The following GAREM1 variants were observed in gnomAD, a reference collection of about 807,000 sequenced individuals.
GAREM1 encodes GRB2 associated regulator of MAPK1 subtype 1, also known as GRB2-associated and regulator of MAPK protein 1.
A neutral mutation model predicts 71.3 loss-of-function variants in GAREM1; 26 were observed. That is an observed-to-expected ratio of 0.36 (90% CI 0.27 to 0.51). The LOEUF (loss-of-function observed/expected upper bound fraction) is 0.51. Among genes scored for constraint, GAREM1 ranks in the 20% least tolerant of loss-of-function variants. The probability of loss-of-function intolerance (pLI) is 0.95; values close to 1 mark genes in which losing one functional copy is unlikely to be tolerated. For synonymous variants in GAREM1, 440 were observed against 433.2 expected (o/e 1.02, Z -0.20); for missense variants, 1,026 against 1,103.1 (o/e 0.93, Z 0.99).
chr18:32,350,830 C>A (rs529785191), intron 2 of GAREM1, among the ~76,000 whole-genome samples: 147 of 152,162 alleles, frequency 9.7e-4, no homozygotes, highest in African/African-American at 3.4e-3. Context: ...CATTTCTGGT[C>A]CACCATTAAG....
At chr18:32,449,653 A>AGACT (rs1271522327) in intron 1 of GAREM1, among the ~76,000 whole-genome samples, 2 of 152,202 alleles carry the variant, frequency 1.3e-5, no homozygotes, top group Non-Finnish European at 2.9e-5. Context: ...CAACAGAGTG[A>AGACT]GACTGTCTCA....
At chr18:32,345,204 A>G (rs1380864947) in intron 2 of GAREM1, among the ~76,000 whole-genome samples, 3 of 152,368 alleles carry the variant, frequency 2.0e-5, no homozygotes, top group Middle Eastern at 3.4e-3. Context: ...TCTCCAAAGG[A>G]TAGACTAATC....
At chr18:32,270,794 G>A (rs1315879369) in intron 4 of GAREM1, among the ~76,000 whole-genome samples, 1 of 150,968 alleles carries the variant, frequency 6.6e-6, no homozygotes, top group African/African-American at 2.4e-5. Flanking sequence ...CTATTAGGTT[G>A]TGTTTTTTTC....
chr18:32,306,855 G>A (rs1357589414), intron 3 of GAREM1, among the ~76,000 whole-genome samples: 2 of 152,212 alleles, frequency 1.3e-5, no homozygotes, highest in Middle Eastern at 3.4e-3. Flanking sequence ...TATAGTAAGT[G>A]CTCAAAATAT....
chr18:32,386,943 A>T (rs965032895), intron 2 of GAREM1, among the ~76,000 whole-genome samples: 3 of 152,134 alleles, frequency 2.0e-5, no homozygotes, highest in African/African-American at 7.2e-5. Flanking sequence ...TATAGAGTGG[A>T]GACTTGGAGC....
intron 2 of GAREM1, among the ~76,000 whole-genome samples, chr18:32,316,738 G>A (rs933429804): frequency 7.2e-5 from 11 of 152,134 alleles, no homozygotes; most frequent in African/African-American, 1.7e-4. Flanking sequence ...GTGAGCCACC[G>A]TATGCAGCCC....
At chr18:32,389,062 G>C (rs1170093534) in intron 2 of GAREM1, among the ~76,000 whole-genome samples, 1 of 152,098 alleles carries the variant, frequency 6.6e-6, no homozygotes, top group Non-Finnish European at 1.5e-5. Context: ...GCATTTGGTG[G>C]GGAGGGAGGA....
chr18:32,419,681 T>C (rs1343748465), intron 1 of GAREM1, among the ~76,000 whole-genome samples: 5 of 152,128 alleles, frequency 3.3e-5, no homozygotes, highest in Non-Finnish European at 1.5e-5. Flanking sequence ...AAAAATTACA[T>C]CTGTAAAATT....
At chr18:32,376,442 C>A (rs545355300) in intron 2 of GAREM1, among the ~76,000 whole-genome samples, 1 of 152,328 alleles carries the variant, frequency 6.6e-6, no homozygotes, top group African/African-American at 2.4e-5. Flanking sequence ...AGTTGATTTA[C>A]TTGGATTTTC....
chr18:32,352,958 A>G (rs1037295381), intron 2 of GAREM1, among the ~76,000 whole-genome samples: 31 of 152,192 alleles, frequency 2.0e-4, no homozygotes, highest in African/African-American at 7.5e-4. Flanking sequence ...TAAAATATAA[A>G]CAACAAAGGA....
rs183726698 is a variant in GAREM1, at chr18:32,364,073, C to T, written c.262+28822G>A. Among the ~76,000 whole-genome samples the T allele has an allele frequency of 4.1e-3, 450 of 110,606 alleles. 1 individual carries two copies. In the Middle Eastern group the frequency reaches 0.069, roughly 17 times the overall value. The allele number at this position is 110,606 out of a possible 152,430, so 72.6% of individuals were successfully genotyped here. On this transcript the variant is annotated intron_variant, in intron 2 of 5. Transcript: ENST00000269209. ...TTTGTGAGACACAGCCTCACTCTGT[C>T]GCCCAGGCTGGAGTGCAGTGGTGCG...
chr18:32,284,622 T>C (rs1226298513), intron 4 of GAREM1, among the ~76,000 whole-genome samples: 1 of 152,084 alleles, frequency 6.6e-6, no homozygotes, highest in Non-Finnish European at 1.5e-5. Context: ...CTAAGTTCAA[T>C]AGGAAAAGCT....
chr18:32,437,955 T>C (rs1395896228), intron 1 of GAREM1, among the ~76,000 whole-genome samples: 2 of 151,066 alleles, frequency 1.3e-5, no homozygotes, highest in Non-Finnish European at 2.9e-5. Flanking sequence ...ACAGTTGAAC[T>C]GATCTCTTTA....
intron 1 of GAREM1, among the ~76,000 whole-genome samples, chr18:32,396,018 T>G (rs1253058712): frequency 6.6e-6 from 1 of 152,214 alleles, no homozygotes; most frequent in Non-Finnish European, 1.5e-5. Flanking sequence ...TATTCGCTGT[T>G]CTGCAGCCTC....
chr18:32,368,143 C>T (rs1381809336), intron 2 of GAREM1, among the ~76,000 whole-genome samples: 4 of 151,872 alleles, frequency 2.6e-5, no homozygotes, highest in Admixed American at 6.6e-5. Flanking sequence ...AGCTTTCGTT[C>T]CCTCCTCCCC....
At chr18:32,413,667 AAAG>A (rs751820353) in intron 1 of GAREM1, among the ~76,000 whole-genome samples, 3 of 152,158 alleles carry the variant, frequency 2.0e-5, no homozygotes, top group Non-Finnish European at 2.9e-5. Context: ...AATAGGCCTA[AAAG>A]AAGTAAAAAA....
In GAREM1 at chr18:32,280,857, GAT is replaced by G. The variant is rs80268603; in HGVS notation, c.1566+6172_1566+6173del. On this transcript the variant is annotated intron_variant, in intron 4 of 5. Transcript: ENST00000269209. Reference sequence around the variant, plus strand: ...GCTCTGCCCATCTGCTGTGGGGATGGATATGTCCACTCCCACCCACCTTCTGA... The same window carrying G: ...GCTCTGCCCATCTGCTGTGGGGATGGATGTCCACTCCCACCCACCTTCTGA... Among the ~76,000 whole-genome samples, 293 of 152,192 alleles carry G rather than the reference GAT, an allele frequency of 1.9e-3. 10 individuals carry two copies. In the East Asian group the frequency reaches 0.046, roughly 24 times the overall value.
intron 2 of GAREM1, among the ~76,000 whole-genome samples, chr18:32,336,872 A>G (rs929379675): frequency 1.3e-5 from 2 of 152,192 alleles, no homozygotes; most frequent in Non-Finnish European, 2.9e-5. Context: ...ACTACCCTGA[A>G]ACTTACCTTC....
rs144274645 is a variant in GAREM1 at position 32,346,105 on chromosome 18, T to C, written c.263-35782A>G. On this transcript the variant is annotated intron_variant, in intron 2 of 5. Transcript: ENST00000269209. ...GTGTCTGAAAACTTCATAATTTGGC[T>C]CCTTTGTGGTCTGTTTTTATTGCCT... Among the ~76,000 whole-genome samples the C allele has an allele frequency of 3.6e-3, 554 of 152,314 alleles. 3 individuals are homozygous for C. The highest frequency in any genetic ancestry group is 6.0e-3 in the Admixed American group (92 of 15,298).
Sources: allele counts gnomAD v4.1 joint callset (sites outside exome capture counted in the v4.1 genomes callset), GRCh38; gene constraint gnomAD v4.1.1; transcripts MANE v1.5; gene names NCBI Gene and HGNC (gene_info 2026-07-23, HGNC 2026-07-21).